The following GPC5 variants were observed in gnomAD, a reference collection of about 807,000 sequenced individuals.
The protein encoded by GPC5 is glypican 5, also known as glypican-5.
A neutral mutation model predicts 53.9 loss-of-function variants in GPC5; 47 were observed. The ratio of observed to expected loss-of-function variants is 0.87; its 90% CI spans 0.69 to 1.11. The LOEUF is 1.11. Among genes scored for constraint, GPC5 ranks in the 50% most tolerant of loss-of-function variants. The probability of loss-of-function intolerance (pLI) is 0.00; values close to 1 mark genes in which losing one functional copy is unlikely to be tolerated. For synonymous variants in GPC5, 286 were observed against 263.3 expected (o/e 1.09, Z -0.84); for missense variants, 748 against 713.1 (o/e 1.05, Z -0.56).
chr13:92,268,798 G>A (rs971723259), intron 7 of GPC5, among the ~76,000 whole-genome samples: 2 of 152,062 alleles, frequency 1.3e-5, no homozygotes, highest in Admixed American at 1.3e-4. Flanking sequence ...AGAATAAAAT[G>A]TATGTGAATA....
At chr13:92,136,514 T>A (rs1353512249) in intron 6 of GPC5, among the ~76,000 whole-genome samples, 1 of 152,206 alleles carries the variant, frequency 6.6e-6, no homozygotes, top group Admixed American at 6.5e-5. Context: ...AGTATAAAAG[T>A]GTACAAGTGC....
At chr13:91,760,849 A>T (rs1027510556) in intron 5 of GPC5, among the ~76,000 whole-genome samples, 2 of 152,192 alleles carry the variant, frequency 1.3e-5, no homozygotes, top group Non-Finnish European at 2.9e-5. Context: ...AAAGAGTTTG[A>T]TTTTTGAAAC....
At chr13:91,765,931 T>A (rs561922721) in intron 5 of GPC5, among the ~76,000 whole-genome samples, 1 of 152,340 alleles carries the variant, frequency 6.6e-6, no homozygotes, top group African/African-American at 2.4e-5. Flanking sequence ...AGCTGTTTGA[T>A]GGGAACGGAG....
chr13:92,552,903 T>G (rs1353544311), intron 7 of GPC5, among the ~76,000 whole-genome samples: 1 of 151,930 alleles, frequency 6.6e-6, no homozygotes, highest in Non-Finnish European at 1.5e-5. Context: ...CTTCTAAAGA[T>G]TCTCACTTGT....
At chr13:92,761,393 T>C (rs1875169378) in intron 7 of GPC5, among the ~76,000 whole-genome samples, 1 of 152,218 alleles carries the variant, frequency 6.6e-6, no homozygotes, top group Non-Finnish European at 1.5e-5. Context: ...ATATTTATAA[T>C]TGTTACGCCC....
intron 7 of GPC5, among the ~76,000 whole-genome samples, chr13:92,527,170 AAGAG>A (rs57318502): frequency 2.0e-5 from 2 of 101,614 alleles, no homozygotes; most frequent in East Asian, 5.3e-4. Context: ...GAAAGAAAGA[AAGAG>A]AAAGAAAGAA....
At chr13:92,184,249 TAC>T (rs2042167352) in intron 7 of GPC5, among the ~76,000 whole-genome samples, 1 of 152,208 alleles carries the variant, frequency 6.6e-6, no homozygotes. Context: ...TAATTATATA[TAC>T]ACAGAGTATA....
intron 2 of GPC5, among the ~76,000 whole-genome samples, chr13:91,629,800 A>G (rs2034109432): frequency 6.6e-6 from 1 of 152,116 alleles, no homozygotes; most frequent in Middle Eastern, 3.2e-3. Context: ...TTTTGCTACT[A>G]AAGGTGGGAA....
intron 5 of GPC5, among the ~76,000 whole-genome samples, chr13:91,903,688 C>T (rs972722374): frequency 2.6e-5 from 4 of 152,056 alleles, no homozygotes; most frequent in Non-Finnish European, 4.4e-5. Flanking sequence ...TTATATGACT[C>T]ATAAGAAGAG....
intron 7 of GPC5, among the ~76,000 whole-genome samples, chr13:92,261,079 C>T (rs947473876): frequency 6.6e-6 from 1 of 151,998 alleles, no homozygotes; most frequent in African/African-American, 2.4e-5. Flanking sequence ...ACATTATAAC[C>T]ATGTTGTAAG....
chr13:92,421,312 C>G (rs554204862), intron 7 of GPC5, among the ~76,000 whole-genome samples: 1 of 152,140 alleles, frequency 6.6e-6, no homozygotes, highest in Non-Finnish European at 1.5e-5. Flanking sequence ...GACTGTGACT[C>G]TATGTCACAA....
intron 7 of GPC5, among the ~76,000 whole-genome samples, chr13:92,697,769 G>A (rs930577246): frequency 6.6e-6 from 1 of 152,120 alleles, no homozygotes; most frequent in Non-Finnish European, 1.5e-5. Context: ...TCCTTGTCTT[G>A]TGCCAGTTTT....
At chr13:91,673,823 T>G (rs549265898) in intron 2 of GPC5, among the ~76,000 whole-genome samples, 11 of 152,318 alleles carry the variant, frequency 7.2e-5, no homozygotes, top group Admixed American at 2.6e-4. Context: ...ACGAAAGGTC[T>G]ATGTATTTTC....
At chr13:92,426,729 A>G (rs1876850526) in intron 7 of GPC5, among the ~76,000 whole-genome samples, 1 of 152,068 alleles carries the variant, frequency 6.6e-6, no homozygotes, top group African/African-American at 2.4e-5. Context: ...ATACAAATCA[A>G]AAATAAAATG....
At chr13:91,774,721 C>G (rs1476440361) in intron 5 of GPC5, among the ~76,000 whole-genome samples, 2 of 152,190 alleles carry the variant, frequency 1.3e-5, no homozygotes, top group Non-Finnish European at 2.9e-5. Flanking sequence ...AGTCATCAAT[C>G]AATGACTGAG....
chr13:91,614,239 A>G (rs2033636311), intron 2 of GPC5, among the ~76,000 whole-genome samples: 1 of 152,344 alleles, frequency 6.6e-6, no homozygotes, highest in South Asian at 2.1e-4. Context: ...ATTCTCTGTA[A>G]TATGAAGGGA....
At chr13:91,823,121 T>C (rs560135479) in intron 5 of GPC5, among the ~76,000 whole-genome samples, 10 of 152,188 alleles carry the variant, frequency 6.6e-5, no homozygotes, top group African/African-American at 1.9e-4. Context: ...CAATAAAGTA[T>C]GTATTAATAG....
At chr13:91,999,584 A>T (rs1268378485) in intron 6 of GPC5, among the ~76,000 whole-genome samples, 1 of 152,160 alleles carries the variant, frequency 6.6e-6, no homozygotes, top group Non-Finnish European at 1.5e-5. Context: ...TCAAACCTTC[A>T]CCAAGTAGCA....
chr13:91,553,140 G>A (rs762719307), intron 2 of GPC5, among the ~76,000 whole-genome samples: 2 of 142,080 alleles, frequency 1.4e-5, no homozygotes, highest in Non-Finnish European at 3.1e-5. Context: ...ATGTATGAGG[G>A]GTATGTGGTA....
Sources: allele counts gnomAD v4.1 joint callset (sites outside exome capture counted in the v4.1 genomes callset), GRCh38; gene constraint gnomAD v4.1.1; transcripts MANE v1.5; gene names NCBI Gene and HGNC (gene_info 2026-07-23, HGNC 2026-07-21).